Variants in TBC1D15 observed in about 807,000 individuals in gnomAD.
TBC1D15 encodes the protein GAP for RAB7.
TBC1D15 carries 39 observed loss-of-function variants against 95.4 expected under a neutral mutation model. That is an observed-to-expected ratio of 0.41 (90% CI 0.32 to 0.53). TBC1D15 has a LOEUF of 0.53. Ranked by LOEUF, TBC1D15 falls within the 20% of genes least tolerant of loss-of-function variation. The pLI is 0.29. For synonymous variants in TBC1D15, 258 were observed against 261.3 expected, an observed-to-expected ratio of 0.99 and a Z score of 0.12; for missense variants, 733 against 794.3, an observed-to-expected ratio of 0.92 and a Z score of 0.93.
rs1887320713 is a variant in TBC1D15, at chr12:71,849,847, T to C, written c.30+10036T>C. The C allele has an allele frequency of 2.1e-5, 12 of 565,708 alleles. 1 individual carries two copies. The highest frequency in any genetic ancestry group is 1.5e-4 in the South Asian group (10 of 68,204). The allele number at this position is 565,708 out of a possible 1,614,324, so 35.0% of individuals were successfully genotyped here. A position where few individuals can be genotyped will look rare whatever the true frequency, so the allele number is the denominator to read the frequency against. Reference sequence around the variant, plus strand: ...AGACTTTTGCCATTCTGTAGTAAAATGTGGAGTTTGCTTCTGTCTATAGAA... The same window carrying C: ...AGACTTTTGCCATTCTGTAGTAAAACGTGGAGTTTGCTTCTGTCTATAGAA... On this transcript the variant is annotated intron_variant, in intron 1 of 16. Coordinates refer to ENST00000485960, the MANE Select transcript of TBC1D15 (RefSeq NM_001146213.3).
chr12:71,881,721 C>G (rs1034111503), intron 4 of TBC1D15, among the ~76,000 whole-genome samples: 1 of 151,728 alleles, frequency 6.6e-6, no homozygotes, highest in Non-Finnish European at 1.5e-5. Context: ...ATCGAGATCA[C>G]CATGGCCAAA....
rs1369800213 is a variant in TBC1D15 at position 71,921,397 on chromosome 12, T to C, written c.1746T>C (p.Asp582=). ...TCAATGAATTGTCCATGAAAATTGA[T>C]GTGGAAGATATACTCTGCAAGGCAG... ...KHINELSMKI[D]VEDILCKAEA... The change falls in exon 16 of 17, where the codon GAT becomes GAC. Residue 582 remains aspartate (D), a synonymous_variant. Coordinates refer to ENST00000485960, the MANE Select transcript of TBC1D15 (RefSeq NM_001146213.3). The C allele has an allele frequency of 1.9e-6, 3 of 1,564,674 alleles. No homozygotes were observed. Among genetic ancestry groups the C allele is most frequent in the Non-Finnish European group, 1.7e-6 (2 of 1,150,490 alleles).
At chr12:71,917,985 C>G (rs886746936) in intron 13 of TBC1D15, among the ~76,000 whole-genome samples, 188 bp downstream of exon 13, 1 of 152,022 alleles carries the variant, frequency 6.6e-6, no homozygotes, top group African/African-American at 2.4e-5. Flanking sequence ...CAGTGAGACC[C>G]CATCTCTACA....
chr12:71,866,752 G>A (rs1308928440), intron 1 of TBC1D15, among the ~76,000 whole-genome samples: 1 of 152,082 alleles, frequency 6.6e-6, no homozygotes, highest in African/African-American at 2.4e-5. Flanking sequence ...TGCCTGGCCT[G>A]TCTCCTCAGT....
intron 1 of TBC1D15, among the ~76,000 whole-genome samples, chr12:71,857,690 C>G (rs1206778481): frequency 1.3e-5 from 2 of 152,024 alleles, no homozygotes; most frequent in Non-Finnish European, 2.9e-5. Context: ...AACATTTATT[C>G]TTTGTGTTAG....
At chr12:71,847,875 A>G (rs1886736281) in intron 1 of TBC1D15, among the ~76,000 whole-genome samples, 2 of 152,024 alleles carry the variant, frequency 1.3e-5, no homozygotes, top group Admixed American at 6.6e-5. Flanking sequence ...AGGTGGGTGG[A>G]TCACCTGAGG....
At chr12:71,842,008 C>T (rs1885142216) in intron 1 of TBC1D15, among the ~76,000 whole-genome samples, 3 of 152,080 alleles carry the variant, frequency 2.0e-5, no homozygotes, top group Admixed American at 2.0e-4. Flanking sequence ...CAAGTTTTAG[C>T]TAAGAGTTCT....
chr12:71,849,402 A>T (rs925410684), intron 1 of TBC1D15: 1 of 1,377,564 alleles, frequency 7.3e-7, no homozygotes, highest in African/African-American at 1.4e-5. Context: ...GCCACTTCCC[A>T]TGAACATAAT....
chr12:71,875,568 C>T (rs1042514006), intron 3 of TBC1D15, among the ~76,000 whole-genome samples: 3 of 151,662 alleles, frequency 2.0e-5, no homozygotes, highest in African/African-American at 7.3e-5. Flanking sequence ...CTACCTTCTC[C>T]TCGCTTCCAC....
At chr12:71,880,351 G>C in intron 3 of TBC1D15, 118 bp from the exon 4 acceptor site, 1 of 724,058 alleles carries the variant, frequency 1.4e-6, no homozygotes, top group Non-Finnish European at 2.2e-6. Context: ...ATGGTGTTCA[G>C]TTTTCCCACC....
intron 1 of TBC1D15, chr12:71,850,077 A>AT (rs2137909130): frequency 1.9e-6 from 1 of 519,168 alleles, no homozygotes; most frequent in Non-Finnish European, 3.7e-6. Context: ...GTGAGTTTAA[A>AT]TTATGATAAT....
intron 7 of TBC1D15, among the ~76,000 whole-genome samples, chr12:71,895,153 G>C (rs569964336): frequency 1.3e-5 from 2 of 152,184 alleles, no homozygotes; most frequent in African/African-American, 4.8e-5. Context: ...ATAGCAGAGT[G>C]AGGAGCGAAC....
chr12:71,906,028 A>G (rs539015101), intron 10 of TBC1D15, among the ~76,000 whole-genome samples: 1 of 152,168 alleles, frequency 6.6e-6, no homozygotes, highest in Admixed American at 6.5e-5. Flanking sequence ...GCACACCAGC[A>G]TGCCCAGCTA....
In TBC1D15 at chr12:71,923,523, T is replaced by G. The variant is rs1046490405; in HGVS notation, c.*319T>G. On this transcript the variant is annotated 3_prime_UTR_variant, in exon 17 of 17. Transcript: ENST00000485960. ...GGAAATTATGCACTTTGAAAAACAT[T>G]CACTTTGTTTAAGCTTATTGGGTTT... 1 of 238,720 alleles carries G rather than the reference T, an allele frequency of 4.2e-6. No individual in the cohort carries two copies. The highest frequency in any genetic ancestry group is 8.2e-6 in the Non-Finnish European group (1 of 121,966). The allele number at this position is 238,720 out of a possible 1,614,324, so 14.8% of individuals were successfully genotyped here.
intron 1 of TBC1D15, among the ~76,000 whole-genome samples, chr12:71,847,623 A>T (rs1886643166): frequency 6.6e-6 from 1 of 151,626 alleles, no homozygotes; most frequent in Admixed American, 6.6e-5. Context: ...TGAACATGGG[A>T]GGCAGAGGTT....
intron 10 of TBC1D15, among the ~76,000 whole-genome samples, chr12:71,902,982 G>A (rs890163638): frequency 1.3e-5 from 2 of 152,048 alleles, no homozygotes; most frequent in African/African-American, 2.4e-5. Context: ...GTGCAATCTC[G>A]GCTCACTGCA....
chr12:71,921,544 A>C, intron 16 of TBC1D15, 90 bp downstream of exon 16: 6 of 737,614 alleles, frequency 8.1e-6, no homozygotes, highest in Non-Finnish European at 1.2e-5. Flanking sequence ...TAAAATAGCA[A>C]CTTTAGTAAG....
At chr12:71,904,672 A>AGG (rs998110180) in intron 10 of TBC1D15, among the ~76,000 whole-genome samples, 1 of 152,208 alleles carries the variant, frequency 6.6e-6, no homozygotes, top group Non-Finnish European at 1.5e-5. Flanking sequence ...TTATAGTGTT[A>AGG]GGAGAGCAGG....
At chr12:71,903,950 A>G (rs2138847830) in intron 10 of TBC1D15, among the ~76,000 whole-genome samples, 1 of 152,338 alleles carries the variant, frequency 6.6e-6, no homozygotes, top group Middle Eastern at 3.4e-3. Flanking sequence ...CCAAACCCCC[A>G]TGACACACCA....
Sources: gnomAD v4.1 joint callset for allele counts (sites outside exome capture counted in the v4.1 genomes callset) on GRCh38, gnomAD v4.1.1 for gene constraint, MANE v1.5 for transcripts, NCBI Gene and HGNC (gene_info 2026-07-23, HGNC 2026-07-21) for gene names.